The following ZNF184 variants were observed in gnomAD, a reference collection of about 807,000 sequenced individuals.
The protein encoded by ZNF184 is zinc finger protein 184, also known as zinc finger protein 184 (Kruppel-like).
Under a neutral mutation model 54.4 loss-of-function variants are expected in ZNF184, and 16 were observed. The observed-to-expected ratio is 0.29, with a 90% confidence interval of 0.20 to 0.45. The LOEUF is 0.45. ZNF184 is among the 20% of genes least tolerant of loss of function. The pLI is 1.00. For missense variants in ZNF184, 681 were observed against 888.2 expected (o/e 0.77, Z 2.97); for synonymous variants, 254 against 295.3 (o/e 0.86, Z 1.43).
the ZNF184 span, among the ~76,000 whole-genome samples, chr6:27,414,738 C>T: frequency 6.6e-6 from 1 of 151,904 alleles, no homozygotes; most frequent in Non-Finnish European, 1.5e-5. Context: ...ATAGTATATA[C>T]TCTATACTTT....
At chr6:27,435,243 G>C in the ZNF184 span, among the ~76,000 whole-genome samples, 2 of 152,100 alleles carry the variant, frequency 1.3e-5, no homozygotes, top group Non-Finnish European at 2.9e-5. Flanking sequence ...TGCTTCGGAT[G>C]ACGTTTTTCT....
At chr6:27,424,016 A>C in the ZNF184 span, among the ~76,000 whole-genome samples, 1 of 152,222 alleles carries the variant, frequency 6.6e-6, no homozygotes, top group South Asian at 2.1e-4. Context: ...GACTTCAAGA[A>C]TGAAGCCACG....
chr6:27,455,324 A>G (rs922502439), intron 5 of ZNF184, among the ~76,000 whole-genome samples: 1 of 152,124 alleles, frequency 6.6e-6, no homozygotes, highest in African/African-American at 2.4e-5. Flanking sequence ...AAAATTATCT[A>G]TGCAACATGG....
At chr6:27,437,632 G>A in the ZNF184 span, among the ~76,000 whole-genome samples, 1 of 152,172 alleles carries the variant, frequency 6.6e-6, no homozygotes, top group African/African-American at 2.4e-5. Flanking sequence ...AAGCCACAAA[G>A]TTTGTAGGAA....
Position 27,472,427 on chromosome 6 carries a change from G to T in ZNF184, c.-133C>A. The T allele has an allele frequency of 8.7e-7, 1 of 1,147,378 alleles. No homozygotes were observed. The highest frequency in any genetic ancestry group is 1.3e-6 in the Non-Finnish European group (1 of 783,810). 71.1% of individuals were successfully genotyped at this position (1,147,378 alleles called of 1,614,324 possible). ...AGGGAATCTGCAACACGCTGAGGTTGTCTACCCTAAAAGACACAGGATGGC... is the reference window on the plus strand; with the variant it reads ...AGGGAATCTGCAACACGCTGAGGTTTTCTACCCTAAAAGACACAGGATGGC... On this transcript the variant is annotated 5_prime_UTR_variant, in exon 2 of 6. Coordinates refer to ENST00000683788, the MANE Select transcript of ZNF184 (RefSeq NM_001318891.2). This position sits in a 1 kb window ranked among gnomAD's most constrained non-coding sequence, Gnocchi z 4.8.
chr6:27,431,086 T>C, the ZNF184 span, among the ~76,000 whole-genome samples: 1 of 152,126 alleles, frequency 6.6e-6, no homozygotes, highest in Non-Finnish European at 1.5e-5. Flanking sequence ...GAAAATACCT[T>C]ATTTCACCAA....
the ZNF184 span, among the ~76,000 whole-genome samples, chr6:27,430,521 A>T: frequency 6.6e-6 from 1 of 152,150 alleles, no homozygotes; most frequent in Non-Finnish European, 1.5e-5. Context: ...GCAGAGAGAG[A>T]TTTGCTGACA....
the ZNF184 span, among the ~76,000 whole-genome samples, chr6:27,442,867 AAAG>A: frequency 2.5e-3 from 186 of 74,012 alleles, 23 homozygotes; most frequent in African/African-American, 5.9e-3. Context: ...AGAAAGAAAG[AAAG>A]AAAGAAAGAA....
At chr6:27,446,325 C>G (rs1223037921), downstream of ZNF184, among the ~76,000 whole-genome samples, 2 of 152,186 alleles carry the variant, frequency 1.3e-5, no homozygotes. Context: ...AGGTCTGCTC[C>G]TGGGGTTCCA....
the ZNF184 span, among the ~76,000 whole-genome samples, chr6:27,424,875 G>T: frequency 1.6e-4 from 24 of 152,230 alleles, no homozygotes; most frequent in Non-Finnish European, 3.1e-4. Flanking sequence ...CGTGGAACAG[G>T]GGGTGGCGCT....
chr6:27,459,675 T>C (rs1218360322), intron 3 of ZNF184, among the ~76,000 whole-genome samples: 1 of 152,136 alleles, frequency 6.6e-6, no homozygotes, highest in Non-Finnish European at 1.5e-5. Flanking sequence ...GAATTTATTA[T>C]TCAGAAACAC....
the ZNF184 span, chr6:27,405,303 T>C: frequency 6.6e-6 from 1 of 152,198 alleles, no homozygotes; most frequent in African/African-American, 2.4e-5. Context: ...TGGAAGGCTT[T>C]CCAGTCAGCT....
At chr6:27,447,468 T>G (rs373338220), downstream of ZNF184, among the ~76,000 whole-genome samples, 1 of 152,170 alleles carries the variant, frequency 6.6e-6, no homozygotes, top group East Asian at 1.9e-4. Flanking sequence ...ATCCTGGCAC[T>G]TTGGGAGGCC....
At chr6:27,423,812 A>T in the ZNF184 span, among the ~76,000 whole-genome samples, 83 of 152,340 alleles carry the variant, frequency 5.4e-4, no homozygotes, top group African/African-American at 1.8e-3. Context: ...TCACATATTC[A>T]TTTTAAACTT....
chr6:27,446,677 TG>T (rs1193272429), downstream of ZNF184, among the ~76,000 whole-genome samples: 3 of 152,146 alleles, frequency 2.0e-5, no homozygotes, highest in Non-Finnish European at 4.4e-5. Flanking sequence ...TCCAGAATTG[TG>T]GGGGTAACAG....
At chr6:27,461,415 A>C (rs1307159763) in intron 3 of ZNF184, among the ~76,000 whole-genome samples, 1 of 152,172 alleles carries the variant, frequency 6.6e-6, no homozygotes, top group Non-Finnish European at 1.5e-5. Context: ...CCAACAAATC[A>C]CTGAACTAAA....
chr6:27,404,203 GAGA>G, the ZNF184 span: 29 of 152,230 alleles, frequency 1.9e-4, no homozygotes, highest in African/African-American at 6.7e-4. Context: ...CAACCAAAAT[GAGA>G]AGGTCATTTG....
the ZNF184 span, among the ~76,000 whole-genome samples, chr6:27,415,222 A>G: frequency 3.3e-5 from 5 of 152,216 alleles, no homozygotes; most frequent in Non-Finnish European, 5.9e-5. Context: ...GGACTCTTAC[A>G]TAAGTCCTGA....
At chr6:27,424,647 GGT>G in the ZNF184 span, among the ~76,000 whole-genome samples, 1 of 152,278 alleles carries the variant, frequency 6.6e-6, no homozygotes, top group South Asian at 2.1e-4. Flanking sequence ...GGTGCTGATT[GGT>G]GTGTTTACAA....
Sources: allele counts gnomAD v4.1 joint callset (sites outside exome capture counted in the v4.1 genomes callset), GRCh38; gene constraint gnomAD v4.1.1; non-coding constraint Gnocchi (gnomAD v3.1); transcripts MANE v1.5; gene names NCBI Gene and HGNC (gene_info 2026-07-23, HGNC 2026-07-21).